FAM13B: variants seen among roughly 807,000 people sequenced by gnomAD.
The protein encoded by FAM13B is family with sequence similarity 13 member B, also known as protein FAM13B.
In FAM13B, 60 loss-of-function variants were observed where a neutral mutation model predicts 117.3. The ratio of observed to expected loss-of-function variants is 0.51; its 90% CI spans 0.42 to 0.63. The LOEUF is 0.63. FAM13B is among the 30% of genes least tolerant of loss of function. The pLI is 0.00. For synonymous variants in FAM13B, 332 were observed against 356.1 expected (o/e 0.93, Z 0.76); for missense variants, 972 against 1,091.9 (o/e 0.89, Z 1.55).
At chr5:137,987,897 A>G (rs1049226674) in intron 8 of FAM13B, among the ~76,000 whole-genome samples, 3 of 152,222 alleles carry the variant, frequency 2.0e-5, no homozygotes, top group African/African-American at 7.2e-5. Flanking sequence ...CTCACTACAC[A>G]GAAAACCACT....
intron 7 of FAM13B, among the ~76,000 whole-genome samples, chr5:138,002,846 T>G (rs901216266): frequency 2.0e-5 from 3 of 150,694 alleles, no homozygotes; most frequent in South Asian, 2.1e-4. Flanking sequence ...TTTTTTTTTT[T>G]TGTATTTTTA....
In FAM13B at chr5:138,041,240, T is replaced by C. The variant is rs757625845; in HGVS notation, c.-203+10638A>G. ...GGAAGATCCAAAATGCGAGAAGTAA[T>C]GGTGAACAAAGAAAATTGTTTGCAT... On this transcript the variant is annotated intron_variant, in intron 1 of 3. Coordinates refer to the FAM13B transcript ENST00000502471. Among the ~76,000 whole-genome samples, 31 of 152,136 alleles carry C rather than the reference T, an allele frequency of 2.0e-4. 1 individual carries two copies. The highest frequency in any genetic ancestry group is 3.7e-4 in the Non-Finnish European group (25 of 68,014).
intron 10 of FAM13B, among the ~76,000 whole-genome samples, chr5:137,967,043 A>G (rs772272357): frequency 1.1e-4 from 17 of 152,164 alleles, no homozygotes; most frequent in Non-Finnish European, 2.1e-4. Context: ...TTAAAAGAAG[A>G]AAGTTAGCTT....
At position 137,964,147 on chromosome 5, in the gene FAM13B, T is replaced by A. The variant is rs1219524566; in HGVS notation, c.1180-1678A>T. ...ATGCAGGTTCACTGCAAACTCCATC[T>A]CCTGGGTTCAAGCGATTCTCCTGCC... On this transcript the variant is annotated intron_variant, in intron 10 of 23. Transcript: ENST00000689681. 3.3e-5 allele frequency among the ~76,000 whole-genome samples: 5 copies of A among 152,144 alleles called. No homozygotes were observed. In the East Asian group the frequency reaches 9.7e-4, roughly 30 times the overall value.
At chr5:137,988,024 T>C (rs996528488) in intron 8 of FAM13B, among the ~76,000 whole-genome samples, 1 of 152,212 alleles carries the variant, frequency 6.6e-6, no homozygotes, top group Non-Finnish European at 1.5e-5. Context: ...TTAAAACTTA[T>C]ATTCTATGAA....
intron 1 of FAM13B, among the ~76,000 whole-genome samples, chr5:138,048,593 T>A (rs1330070397): frequency 6.6e-6 from 1 of 152,146 alleles, no homozygotes. Context: ...CTCCATTTTT[T>A]AGGAGGCAAA....
At chr5:137,975,391 G>T (rs1042279128) in intron 10 of FAM13B, among the ~76,000 whole-genome samples, 1 of 152,086 alleles carries the variant, frequency 6.6e-6, no homozygotes, top group African/African-American at 2.4e-5. Context: ...CCAGCTTTCT[G>T]TCCTCCAGAC....
chr5:137,952,527 C>A, intron 17 of FAM13B, 101 bp downstream of exon 17: 1 of 785,248 alleles, frequency 1.3e-6, no homozygotes, highest in Non-Finnish European at 2.0e-6. Context: ...CAAACAGTGC[C>A]CAAGATTTAA....
intron 4 of FAM13B, among the ~76,000 whole-genome samples, chr5:138,016,261 CTT>C (rs1232859501): frequency 6.6e-6 from 1 of 152,122 alleles, no homozygotes; most frequent in African/African-American, 2.4e-5. Flanking sequence ...AAAGTTGTGT[CTT>C]TGAAGAGGAA....
chr5:137,985,873 C>T (rs1270024507), intron 9 of FAM13B, among the ~76,000 whole-genome samples: 2 of 152,182 alleles, frequency 1.3e-5, no homozygotes, highest in African/African-American at 2.4e-5. Context: ...CTCAATAGAA[C>T]ATGTGTTCCC....
intron 10 of FAM13B, among the ~76,000 whole-genome samples, chr5:137,966,258 G>A (rs1028228169): frequency 5.3e-5 from 8 of 151,458 alleles, no homozygotes; most frequent in Non-Finnish European, 8.8e-5. Context: ...CCAATATGGC[G>A]AAACCTCGTC....
At chr5:137,941,907 G>A in intron 23 of FAM13B, 37 bp downstream of exon 23, 1 of 1,508,124 alleles carries the variant, frequency 6.6e-7, no homozygotes. Flanking sequence ...GTGAGTTAGA[G>A]AAGAAAGATG....
intron 10 of FAM13B, among the ~76,000 whole-genome samples, chr5:137,977,088 G>A (rs1005192306): frequency 2.0e-5 from 3 of 152,068 alleles, no homozygotes; most frequent in Admixed American, 6.5e-5. Flanking sequence ...CTGAGGGTAG[G>A]TCTCTGAAAT....
At position 137,939,757 on chromosome 5, in the gene FAM13B, G is replaced by A. The variant is rs994809870; in HGVS notation, c.*468C>T. ...CTAGGAAAACAGAGAACACAGTTGC[G>A]TATGTGCACTTTTATAGGCTTTTCT... On this transcript the variant is annotated 3_prime_UTR_variant, in exon 24 of 24. Transcript: ENST00000689681. 41 of 701,670 alleles carry A rather than the reference G, an allele frequency of 5.8e-5. No homozygotes were observed. The highest frequency in any genetic ancestry group is 5.1e-4 in the African/African-American group (27 of 52,552). The allele number at this position is 701,670 out of a possible 1,614,324, so 43.5% of individuals were successfully genotyped here. A position where few individuals can be genotyped will look rare whatever the true frequency, so the allele number is the denominator to read the frequency against.
intron 4 of FAM13B, among the ~76,000 whole-genome samples, chr5:138,016,509 C>T (rs1034482651): frequency 2.0e-5 from 3 of 152,082 alleles, no homozygotes; most frequent in Admixed American, 1.3e-4. Flanking sequence ...TGGTGCGCGC[C>T]TGTAGTCCCA....
Position 138,018,455 on chromosome 5 carries a change from G to T in FAM13B, c.217C>A (p.Leu73Ile), listed in dbSNP as rs779941822. 14 of 1,614,030 alleles carry T rather than the reference G, an allele frequency of 8.7e-6. No individual in the cohort carries two copies. In the Admixed American group the frequency reaches 2.0e-4, roughly 23 times the overall value. ...VNGNAETVEW[L>I]RQRYDSGEEV... ...TCTCCGCTGTCGTATCTCTGCCGAA[G>T]CCACTCCACTGTCTCAGCATTTCCA... is the stretch of plus-strand genomic sequence containing the variant. The change falls in exon 4 of 24, where the codon CTT (leucine) becomes ATT (isoleucine). Residue 73 changes from leucine (L) to isoleucine (I), a missense_variant. By Grantham distance (5) the Leu-to-Ile change is conservative. Coordinates refer to ENST00000689681, the MANE Select transcript of FAM13B (RefSeq NM_001385994.1).
At chr5:137,963,052 T>C (rs2058311) in intron 10 of FAM13B, among the ~76,000 whole-genome samples, 22,020 of 152,186 alleles carry the variant, frequency 0.14, 1,980 homozygotes, top group East Asian at 0.36. Context: ...AACGTTGTGG[T>C]GTTTTTGATG....
At chr5:138,032,624 C>G in intron 1 of FAM13B, 158 bp downstream of exon 1, 1 of 693,924 alleles carries the variant, frequency 1.4e-6, no homozygotes, top group Non-Finnish European at 1.8e-6. Flanking sequence ...GCCCTCTCCA[C>G]GGAACGCCCC....
chr5:138,011,227 CT>C (rs1215804865), intron 5 of FAM13B, 78 bp from the exon 6 acceptor site: 1 of 1,362,776 alleles, frequency 7.3e-7, no homozygotes, highest in Non-Finnish European at 1.0e-6. Context: ...CAATGAGATA[CT>C]TTATGAACAT....
Sources: gnomAD v4.1 joint callset for allele counts (sites outside exome capture counted in the v4.1 genomes callset) on GRCh38, gnomAD v4.1.1 for gene constraint, MANE v1.5 for transcripts, NCBI Gene and HGNC (gene_info 2026-07-23, HGNC 2026-07-21) for gene names.